Variants in PRKAA2 observed in about 807,000 individuals in gnomAD.
The protein encoded by PRKAA2 is 5'-AMP-activated protein kinase catalytic subunit alpha-2.
PRKAA2 carries 40 observed loss-of-function variants against 56.3 expected under a neutral mutation model. That is an observed-to-expected ratio of 0.71 (90% CI 0.55 to 0.92). The LOEUF is 0.92. PRKAA2 is among the 40% of genes least tolerant of loss of function. The pLI, the probability that PRKAA2 is intolerant of heterozygous loss-of-function variation, is 0.00. For missense variants in PRKAA2, 542 were observed against 686.9 expected, an observed-to-expected ratio of 0.79 and a Z score of 2.36; for synonymous variants, 214 against 234.2, an observed-to-expected ratio of 0.91 and a Z score of 0.79.
At chr1:56,676,678 A>G (rs985441612) in intron 2 of PRKAA2, among the ~76,000 whole-genome samples, 4 of 152,324 alleles carry the variant, frequency 2.6e-5, no homozygotes, top group Middle Eastern at 3.4e-3. Context: ...GGCTGGTCCA[A>G]TTATTGTTGA....
rs752985335 is a variant in PRKAA2 at position 56,691,409 on chromosome 1, C to T, written c.252C>T (p.Ser84=). Residue 84 remains serine, a synonymous_variant, in exon 3 of 9, where the codon AGC becomes AGT. Coordinates refer to ENST00000371244, the MANE Select transcript of PRKAA2 (RefSeq NM_006252.4). ...PHIIKLYQVI[S]TPTDFFMVME... ...AACAAAAAAGATACCAGGTGATCAG[C>T]ACTCCAACAGATTTTTTTATGGTAA... is the stretch of plus-strand genomic sequence containing the variant. 2 of 1,611,418 alleles carry T rather than the reference C, an allele frequency of 1.2e-6. No homozygotes were observed. Among genetic ancestry groups the T allele is most frequent in the Non-Finnish European group, 1.7e-6 (2 of 1,178,422 alleles).
chr1:56,675,404 A>G (rs1408361737), intron 2 of PRKAA2, among the ~76,000 whole-genome samples: 1 of 151,882 alleles, frequency 6.6e-6, no homozygotes, highest in African/African-American at 2.4e-5. Flanking sequence ...TTAATTTAAT[A>G]TTATCTTCAT....
chr1:56,700,546 CT>C (rs2100433105), intron 6 of PRKAA2, among the ~76,000 whole-genome samples: 1 of 152,286 alleles, frequency 6.6e-6, no homozygotes, highest in East Asian at 1.9e-4. Context: ...CTAATTTTTC[CT>C]TTTAAGTGTT....
rs549751998 is a variant in PRKAA2 at position 56,665,769 on chromosome 1, T to G, written c.95-8612T>G. Among the ~76,000 whole-genome samples the G allele has an allele frequency of 3.9e-5, 6 of 152,304 alleles. No homozygotes were observed. The East Asian group carries it at 1.2e-3, about 29-fold the overall frequency. On this transcript the variant is annotated intron_variant, in intron 1 of 8. Transcript: ENST00000371244. ...ATGGTATTGTATTGCATTGTGGTCTTAATTTACTTTTCTCTGATGACCCAT... is the reference window on the plus strand; with the variant it reads ...ATGGTATTGTATTGCATTGTGGTCTGAATTTACTTTTCTCTGATGACCCAT...
chr1:56,675,007 T>C (rs74075718), intron 2 of PRKAA2, among the ~76,000 whole-genome samples: 2,813 of 152,204 alleles, frequency 0.018, 38 homozygotes, highest in Middle Eastern at 0.055. Context: ...AGTAGTACTA[T>C]AACCATAAAG....
At chr1:56,699,850 A>G (rs1464146313) in intron 6 of PRKAA2, among the ~76,000 whole-genome samples, 2 of 152,186 alleles carry the variant, frequency 1.3e-5, no homozygotes, top group Non-Finnish European at 2.9e-5. Context: ...ATCATACAGT[A>G]TGTGGTCTTT....
intron 1 of PRKAA2, 97 bp from the exon 2 acceptor site, chr1:56,674,284 A>G (rs1644098041): frequency 9.7e-7 from 1 of 1,031,538 alleles, no homozygotes; most frequent in African/African-American, 1.7e-5. Context: ...AAGATGGTAT[A>G]TATGAGTAGA....
rs1644360016 is a variant in PRKAA2 at position 56,710,149 on chromosome 1, G to C, written c.*2436G>C. ...TTGTAAACTCTGAATGTGATAGGTAGATGTGGGCTAAGAATAATTTCCTCC... is the reference window on the plus strand; with the variant it reads ...TTGTAAACTCTGAATGTGATAGGTACATGTGGGCTAAGAATAATTTCCTCC... On this transcript the variant is annotated 3_prime_UTR_variant, in exon 9 of 9. Coordinates refer to ENST00000371244, the MANE Select transcript of PRKAA2 (RefSeq NM_006252.4). 1 of 152,096 alleles carries C rather than the reference G, an allele frequency of 6.6e-6. No individual in the cohort carries two copies. Among genetic ancestry groups the C allele is most frequent in the African/African-American group, 2.4e-5 (1 of 41,446 alleles). 9.4% of individuals were successfully genotyped at this position (152,096 alleles called of 1,614,324 possible). A position where few individuals can be genotyped will look rare whatever the true frequency, so the allele number is the denominator to read the frequency against.
At chr1:56,674,263 C>A in intron 1 of PRKAA2, 118 bp from the exon 2 acceptor site, 1 of 796,664 alleles carries the variant, frequency 1.3e-6, no homozygotes, top group Non-Finnish European at 1.9e-6. Flanking sequence ...TTTTGTACAA[C>A]AAGGGATATA....
At chr1:56,687,084 A>G (rs1048804849) in intron 2 of PRKAA2, among the ~76,000 whole-genome samples, 1 of 151,978 alleles carries the variant, frequency 6.6e-6, no homozygotes, top group Admixed American at 6.6e-5. Context: ...GGGTTTCTCC[A>G]TGTTGGTCAG....
intron 8 of PRKAA2, 76 bp downstream of exon 8, chr1:56,706,294 G>A (rs959014624): frequency 2.0e-5 from 31 of 1,532,706 alleles, no homozygotes; most frequent in Middle Eastern, 1.7e-4. Flanking sequence ...AAATCATCTC[G>A]AAGACATCCG....
chr1:56,697,995 TC>T (rs1056331024), intron 6 of PRKAA2, among the ~76,000 whole-genome samples: 2 of 151,816 alleles, frequency 1.3e-5, no homozygotes, highest in African/African-American at 4.8e-5. Flanking sequence ...TCTATAGTTT[TC>T]ATCTTTTTAA....
Position 56,676,892 on chromosome 1 carries a change from T to C in PRKAA2, c.236+2370T>C, listed in dbSNP as rs185846266. ...TCACATCACTGCTAGGAAACCTTCA[T>C]TCTTAGAGTAAGCTTCAATGTCATA... On this transcript the variant is annotated intron_variant, in intron 2 of 8. Coordinates refer to ENST00000371244, the MANE Select transcript of PRKAA2 (RefSeq NM_006252.4). Among the ~76,000 whole-genome samples the C allele has an allele frequency of 3.6e-3, 554 of 152,240 alleles. 5 individuals are homozygous for C. Among genetic ancestry groups the C allele is most frequent in the African/African-American group, 0.012 (513 of 41,542 alleles).
intron 2 of PRKAA2, 21 bp downstream of exon 2, chr1:56,674,543 T>A: frequency 7.0e-7 from 1 of 1,427,992 alleles, no homozygotes; most frequent in Non-Finnish European, 9.4e-7. Context: ...TTGTATCTAA[T>A]AATACCAAAG....
chr1:56,672,870 T>C (rs1002412888), intron 1 of PRKAA2, among the ~76,000 whole-genome samples: 15 of 152,242 alleles, frequency 9.9e-5, no homozygotes, highest in African/African-American at 2.9e-4. Flanking sequence ...GTAACTACTC[T>C]TGAGAAATTT....
intron 1 of PRKAA2, among the ~76,000 whole-genome samples, chr1:56,667,297 C>G (rs549196627): frequency 1.3e-5 from 2 of 152,084 alleles, no homozygotes; most frequent in South Asian, 2.1e-4. Context: ...ATTTAAAGGT[C>G]TGGCCTTCAG....
intron 2 of PRKAA2, among the ~76,000 whole-genome samples, chr1:56,675,686 C>T (rs1352242294): frequency 6.6e-6 from 1 of 151,952 alleles, no homozygotes; most frequent in Non-Finnish European, 1.5e-5. Context: ...AGAAACAAAG[C>T]CCTATGTATA....
At chr1:56,703,886 A>C (rs1644313435) in intron 6 of PRKAA2, 85 bp from the exon 7 acceptor site, 12 of 1,402,960 alleles carry the variant, frequency 8.6e-6, no homozygotes, top group Non-Finnish European at 1.2e-5. Flanking sequence ...TCTTTTGATT[A>C]TATTCTATTA....
chr1:56,655,153 CT>C (rs34521257), intron 1 of PRKAA2, among the ~76,000 whole-genome samples: 28 of 144,792 alleles, frequency 1.9e-4, no homozygotes, highest in South Asian at 1.1e-3. Flanking sequence ...ATATACCATA[CT>C]TTTTTTTTTC....
Sources: allele counts gnomAD v4.1 joint callset (sites outside exome capture counted in the v4.1 genomes callset), GRCh38; gene constraint gnomAD v4.1.1; transcripts MANE v1.5; gene names NCBI Gene and HGNC (gene_info 2026-07-23, HGNC 2026-07-21).